Variants in APLP2 observed in about 807,000 individuals in gnomAD.
The protein encoded by APLP2 is CDEI box-binding protein.
APLP2 carries 53 observed loss-of-function variants against 89.9 expected under a neutral mutation model. The ratio of observed to expected loss-of-function variants is 0.59; its 90% CI spans 0.47 to 0.74. The LOEUF (loss-of-function observed/expected upper bound fraction) is 0.74, where lower values mean the gene tolerates loss of function less well. Among genes scored for constraint, APLP2 ranks in the 30% least tolerant of loss-of-function variants. The pLI, the probability that APLP2 is intolerant of heterozygous loss-of-function variation, is 0.00. For synonymous variants in APLP2, 372 were observed against 348.6 expected (o/e 1.07, Z -0.75); for missense variants, 973 against 975.9 (o/e 1.00, Z 0.04).
chr11:130,082,111 A>G (rs1400223944), intron 1 of APLP2, among the ~76,000 whole-genome samples: 1 of 152,212 alleles, frequency 6.6e-6, no homozygotes, highest in African/African-American at 2.4e-5. Flanking sequence ...ATGGTAGTCA[A>G]CACTTTTCCA....
chr11:130,084,071 C>T (rs1299929960), intron 1 of APLP2, among the ~76,000 whole-genome samples: 1 of 152,058 alleles, frequency 6.6e-6, no homozygotes, highest in Non-Finnish European at 1.5e-5. Flanking sequence ...ACGGTGAAAC[C>T]CTGTCTCTAC....
intron 1 of APLP2, 94 bp downstream of exon 1, chr11:130,070,176 C>A: frequency 1.4e-6 from 1 of 725,520 alleles, no homozygotes; most frequent in Non-Finnish European, 1.9e-6. Context: ...CAGGGCGGGC[C>A]GGCGGTGCGG....
In APLP2 at chr11:130,123,011, T is replaced by G. The variant is rs181395278; in HGVS notation, c.922+498T>G. On this transcript the variant is annotated intron_variant, in intron 6 of 16. Transcript: ENST00000338167. This position sits in a 1 kb window ranked among gnomAD's most constrained non-coding sequence, Gnocchi z 4.0. ...CCTGCAGTTTTTTTTTTTTCTCATC[T>G]TGCCAATTAAAACACGAAAAGGTTG... Among the ~76,000 whole-genome samples, 1 of 152,244 alleles carries G rather than the reference T, an allele frequency of 6.6e-6. No homozygotes were observed. The highest frequency in any genetic ancestry group is 6.5e-5 in the Admixed American group (1 of 15,288).
chr11:130,071,247 A>G (rs945688555), intron 1 of APLP2, among the ~76,000 whole-genome samples: 2 of 152,232 alleles, frequency 1.3e-5, no homozygotes, highest in African/African-American at 4.8e-5. Context: ...CTTCTACAGA[A>G]TGTTCAAGTA....
At position 130,135,623 on chromosome 11, in the gene APLP2, C is replaced by T; in HGVS notation, c.1745C>T (p.Thr582Ile). ...MDQFTASISE[T>I]PVDVRVSSEE... ...CAGTTCACTGCCTCAATCTCAGAGA[C>T]CCCTGTGGACGTCCGGGTGAGCTCT... Residue 582 changes from threonine to isoleucine, a missense_variant, in exon 13 of 17, where the codon ACC becomes ATC. Transcript: ENST00000338167. 6.2e-7 allele frequency: 1 copy of T among 1,614,160 alleles called. No homozygotes were observed. Among genetic ancestry groups the T allele is most frequent in the Non-Finnish European group, 8.5e-7 (1 of 1,180,012 alleles).
chr11:130,103,550 G>A (rs1003547927), intron 1 of APLP2, among the ~76,000 whole-genome samples: 6 of 152,294 alleles, frequency 3.9e-5, no homozygotes, highest in African/African-American at 9.6e-5. Context: ...TAGCGCTGAT[G>A]TGTTGACCTT....
chr11:130,127,722 G>A (rs925492677), intron 8 of APLP2, 44 bp from the exon 9 acceptor site: 6 of 1,522,572 alleles, frequency 3.9e-6, no homozygotes, highest in Non-Finnish European at 5.5e-6. Context: ...GAGTTGTTTC[G>A]GGGTATTAAT....
chr11:130,117,191 G>C lies in APLP2; in HGVS notation c.404-3515G>C, dbSNP rs993666364. On this transcript the variant is annotated intron_variant, in intron 3 of 16. Transcript: ENST00000338167. ...TTCAAATTCAGTGGTGTTCTTTTTT[G>C]ATTTTTAGAGATCGAACAGATTGAT... 4.6e-5 allele frequency among the ~76,000 whole-genome samples: 7 copies of C among 151,820 alleles called. No homozygotes were observed. The East Asian group carries it at 1.3e-3, about 29-fold the overall frequency.
At chr11:130,086,097 A>T (rs1565555461) in intron 1 of APLP2, among the ~76,000 whole-genome samples, 2 of 152,240 alleles carry the variant, frequency 1.3e-5, no homozygotes, top group Non-Finnish European at 2.9e-5. Context: ...TTCTGTGCTT[A>T]AATTTTTGAG....
At chr11:130,102,388 T>C (rs1465325437) in intron 1 of APLP2, among the ~76,000 whole-genome samples, 1 of 152,246 alleles carries the variant, frequency 6.6e-6, no homozygotes, top group Non-Finnish European at 1.5e-5. Flanking sequence ...AGAACTGTGT[T>C]ACATTGCCTT....
intron 12 of APLP2, among the ~76,000 whole-genome samples, chr11:130,134,485 C>G (rs1951317259): frequency 6.6e-6 from 1 of 152,214 alleles, no homozygotes; most frequent in East Asian, 1.9e-4. Flanking sequence ...ATGCAGGGAC[C>G]AGATGAGGAA....
chr11:130,113,088 T>C (rs755455534), intron 3 of APLP2, among the ~76,000 whole-genome samples: 1 of 152,204 alleles, frequency 6.6e-6, no homozygotes, highest in Non-Finnish European at 1.5e-5. Context: ...TATCACACTG[T>C]ACCATGATTG....
chr11:130,138,175 A>G (rs1295233276), intron 13 of APLP2, among the ~76,000 whole-genome samples: 3 of 152,324 alleles, frequency 2.0e-5, no homozygotes, highest in Middle Eastern at 3.4e-3. Context: ...AATGTGTTGT[A>G]TGAGCCCACC....
chr11:130,093,320 CAAG>C (rs1591784542), intron 1 of APLP2, among the ~76,000 whole-genome samples: 2 of 152,088 alleles, frequency 1.3e-5, no homozygotes, highest in African/African-American at 4.8e-5. Flanking sequence ...GAGAACAAAA[CAAG>C]AAGAAAAAGC....
chr11:130,083,031 T>G (rs1005057677), intron 1 of APLP2, among the ~76,000 whole-genome samples: 40 of 121,630 alleles, frequency 3.3e-4, no homozygotes, highest in Non-Finnish European at 1.6e-4. Flanking sequence ...CTTTTCTTTT[T>G]TTTTTTTTTT....
chr11:130,091,031 CGGGCGGG>C (rs1944976141), intron 1 of APLP2, among the ~76,000 whole-genome samples: 2 of 123,062 alleles, frequency 1.6e-5, no homozygotes, highest in African/African-American at 8.1e-5. Context: ...GGCGGCTGGC[CGGGCGGG>C]GGGCCGACAC....
chr11:130,119,527 T>C (rs887563233), intron 3 of APLP2, among the ~76,000 whole-genome samples: 3 of 152,248 alleles, frequency 2.0e-5, no homozygotes, highest in South Asian at 2.1e-4. Flanking sequence ...TTCCACCTTC[T>C]ATAGGCCCAC....
chr11:130,108,086 A>G (rs1358554957), intron 1 of APLP2, among the ~76,000 whole-genome samples: 1 of 152,232 alleles, frequency 6.6e-6, no homozygotes, highest in East Asian at 1.9e-4. Context: ...AAAGACTTAA[A>G]TGTTAGACTT....
chr11:130,070,459 C>T (rs913845035), intron 1 of APLP2: 58 of 995,902 alleles, frequency 5.8e-5, no homozygotes, highest in African/African-American at 1.7e-5. Context: ...CGCCGGAGTC[C>T]GCGGCTGGGC....
Sources: gnomAD v4.1 joint callset for allele counts (sites outside exome capture counted in the v4.1 genomes callset) on GRCh38, gnomAD v4.1.1 for gene constraint, Gnocchi (gnomAD v3.1) non-coding constraint, MANE v1.5 for transcripts, NCBI Gene and HGNC (gene_info 2026-07-23, HGNC 2026-07-21) for gene names.